Variants in CCDC127 observed in about 807,000 individuals in gnomAD.
CCDC127 encodes the protein coiled-coil domain-containing protein 127.
In CCDC127, 2 loss-of-function variants were observed where a neutral mutation model predicts 4.1. That is an observed-to-expected ratio of 0.49 (90% CI 0.20 to 1.53). The LOEUF (loss-of-function observed/expected upper bound fraction) is 1.53, where lower values mean the gene tolerates loss of function less well. Ranked by LOEUF, CCDC127 falls within the 40% of genes most tolerant of loss-of-function variation. The pLI, the probability that CCDC127 is intolerant of heterozygous loss-of-function variation, is 0.23. For synonymous variants in CCDC127, 98 were observed against 120.4 expected (o/e 0.81, Z 1.22); for missense variants, 271 against 322.9 (o/e 0.84, Z 1.23).
At position 200,258 on chromosome 5, in the gene CCDC127, T is replaced by C. The variant is rs1468544382; in HGVS notation, c.*5039A>G. The C allele has an allele frequency of 6.6e-6, 1 of 152,272 alleles. No individual in the cohort carries two copies. The highest frequency in any genetic ancestry group is 1.5e-5 in the Non-Finnish European group (1 of 68,056). The allele number at this position is 152,272 out of a possible 1,614,324, so 9.4% of individuals were successfully genotyped here. ...CCTCCGCCTTCCACCGCATGCCTGC[T>C]GTCCATGGGTGGCTTACTGAAGCCC... On this transcript the variant is annotated 3_prime_UTR_variant, in exon 3 of 3. Transcript: ENST00000296824.
At chr5:210,585 A>G (rs1046203121) in intron 2 of CCDC127, among the ~76,000 whole-genome samples, 3 of 152,202 alleles carry the variant, frequency 2.0e-5, no homozygotes, top group African/African-American at 7.2e-5. Flanking sequence ...GATGCTCAAC[A>G]CTGCACAGTA....
chr5:200,564 C>T lies in CCDC127; in HGVS notation c.*4733G>A, dbSNP rs1004186178. 9 of 152,320 alleles carry T rather than the reference C, an allele frequency of 5.9e-5. No homozygotes were observed. In the South Asian group the frequency reaches 1.9e-3, roughly 32 times the overall value. The allele number at this position is 152,320 out of a possible 1,614,324, so 9.4% of individuals were successfully genotyped here. ...CAAGTACTCCGAGGCCCCTGAGAGT[C>T]CCTTATTTGTCTTTCTGGTTCTTCT... On this transcript the variant is annotated 3_prime_UTR_variant, in exon 3 of 3. Coordinates refer to ENST00000296824, the MANE Select transcript of CCDC127 (RefSeq NM_145265.3).
chr5:207,717 T>G (rs772454071), intron 2 of CCDC127, among the ~76,000 whole-genome samples: 4 of 152,040 alleles, frequency 2.6e-5, no homozygotes, highest in Non-Finnish European at 5.9e-5. Context: ...GAGCACGGGA[T>G]ATGTTCTGCA....
chr5:205,400 T>C lies in CCDC127; in HGVS notation c.680A>G (p.Lys227Arg), dbSNP rs748118272. Residue 227 changes from lysine to arginine, a missense_variant, in exon 3 of 3, where the codon AAA becomes AGA. By Grantham distance (26) the Lys-to-Arg change is conservative (BLOSUM62 2). Transcript: ENST00000296824. ...CCACATGAGTCTGCCATTCTGGCGT[T>C]TGTTGGTGTTCCAGACATCACCACA... is the stretch of plus-strand genomic sequence containing the variant. ...TYCGDVWNTNKRQNGRLMWLY... is the reference protein window; with the variant it reads ...TYCGDVWNTNRRQNGRLMWLY... 18 of 1,614,136 alleles carry C rather than the reference T, an allele frequency of 1.1e-5. No homozygotes were observed. The highest frequency in any genetic ancestry group is 1.4e-5 in the Non-Finnish European group (16 of 1,180,058).
intron 2 of CCDC127, among the ~76,000 whole-genome samples, chr5:208,281 CG>C: frequency 2.0e-5 from 3 of 152,246 alleles, no homozygotes; most frequent in Admixed American, 2.0e-4. Flanking sequence ...AGGAACAACA[CG>C]GGGGCAAGTC....
rs1341205759 is a variant in CCDC127, at chr5:198,261, G to C, written c.*7036C>G. 6.6e-6 allele frequency: 1 copy of C among 152,310 alleles called. No individual in the cohort carries two copies. Among genetic ancestry groups the C allele is most frequent in the Non-Finnish European group, 1.5e-5 (1 of 68,080 alleles). The allele number at this position is 152,310 out of a possible 1,614,324, so 9.4% of individuals were successfully genotyped here. A position where few individuals can be genotyped will look rare whatever the true frequency, so the allele number is the denominator to read the frequency against. On this transcript the variant is annotated 3_prime_UTR_variant, in exon 3 of 3. Transcript: ENST00000296824. ...TGCACACTGCAGGCAGTGCCTTACT[G>C]GAGCCTTGTCCAGGGACATGAATTT...
intron 1 of CCDC127, chr5:217,262 A>C (rs889774284): frequency 1.3e-4 from 23 of 175,888 alleles, no homozygotes; most frequent in African/African-American, 5.5e-4. Context: ...GAATCAGGTA[A>C]GTTCTCTGGT....
intron 2 of CCDC127, chr5:215,296 A>C (rs927933693): frequency 7.2e-5 from 11 of 152,190 alleles, no homozygotes; most frequent in Non-Finnish European, 1.5e-5. Flanking sequence ...AATATTCTTC[A>C]ACCCTTTTCA....
chr5:207,246 G>A (rs1420446452), intron 2 of CCDC127, among the ~76,000 whole-genome samples: 1 of 152,170 alleles, frequency 6.6e-6, no homozygotes, highest in Admixed American at 6.5e-5. Flanking sequence ...CACTGAGTAA[G>A]CACAAAACCA....
rs1251532002 is a variant in CCDC127 at position 205,280 on chromosome 5, T to C, written c.*17A>G. The C allele has an allele frequency of 2.5e-6, 4 of 1,590,326 alleles. No individual in the cohort carries two copies. The highest frequency in any genetic ancestry group is 3.4e-6 in the Non-Finnish European group (4 of 1,165,682). ...CTGGCCTCGAGTCACTAAAAGCAGT[T>C]TGATTTCACTCTTGTCTTACTTTTC... On this transcript the variant is annotated 3_prime_UTR_variant, in exon 3 of 3. Coordinates refer to ENST00000296824, the MANE Select transcript of CCDC127 (RefSeq NM_145265.3).
Position 197,445 on chromosome 5 carries a change from G to C in CCDC127, c.*7852C>G, listed in dbSNP as rs1214966338. ...GGGGAGAAACCGTGGACAATACCCG[G>C]CTTTCAAGGGCAGAGGTCCCTGCGG... On this transcript the variant is annotated 3_prime_UTR_variant, in exon 3 of 3. Transcript: ENST00000296824. The C allele has an allele frequency of 6.6e-6, 1 of 152,240 alleles. No homozygotes were observed. Among genetic ancestry groups the C allele is most frequent in the Admixed American group, 6.5e-5 (1 of 15,288 alleles). 9.4% of individuals were successfully genotyped at this position (152,240 alleles called of 1,614,324 possible). A position where few individuals can be genotyped will look rare whatever the true frequency, so the allele number is the denominator to read the frequency against.
Position 203,330 on chromosome 5 carries a change from G to C in CCDC127, c.*1967C>G, listed in dbSNP as rs2126502055. On this transcript the variant is annotated 3_prime_UTR_variant, in exon 3 of 3. Coordinates refer to ENST00000296824, the MANE Select transcript of CCDC127 (RefSeq NM_145265.3). ...CGCTAGCAGCCACTGAAGAAGAGAA[G>C]CATCTGAGCACCCTTAGCCATCACA... is the stretch of plus-strand genomic sequence containing the variant. The C allele has an allele frequency of 6.6e-6, 1 of 152,418 alleles. No individual in the cohort carries two copies. The highest frequency in any genetic ancestry group is 2.1e-4 in the South Asian group (1 of 4,826). The allele number at this position is 152,418 out of a possible 1,614,324, so 9.4% of individuals were successfully genotyped here. A position where few individuals can be genotyped will look rare whatever the true frequency, so the allele number is the denominator to read the frequency against.
chr5:206,505 C>G (rs1579358431), intron 2 of CCDC127, among the ~76,000 whole-genome samples: 1 of 152,198 alleles, frequency 6.6e-6, no homozygotes, highest in East Asian at 1.9e-4. Context: ...GGAGGGGGCA[C>G]TGCCCGGCTC....
At chr5:206,164 C>A (rs1016750526) in intron 2 of CCDC127, among the ~76,000 whole-genome samples, 1 of 152,240 alleles carries the variant, frequency 6.6e-6, no homozygotes, top group African/African-American at 2.4e-5. Context: ...GACCAAAAGA[C>A]CCTAACCCTA....
At position 218,127 on chromosome 5, in the gene CCDC127, T is replaced by C; in HGVS notation, c.-45A>G. The C allele has an allele frequency of 1.6e-6, 2 of 1,231,278 alleles. No individual in the cohort carries two copies. The highest frequency in any genetic ancestry group is 3.2e-4 in the Middle Eastern group (1 of 3,136). The allele number at this position is 1,231,278 out of a possible 1,614,324, so 76.3% of individuals were successfully genotyped here. On this transcript the variant is annotated 5_prime_UTR_variant, in exon 1 of 3. Coordinates refer to ENST00000296824, the MANE Select transcript of CCDC127 (RefSeq NM_145265.3). Reference sequence around the variant, plus strand: ...GGAGCGCGGGACCTCAGCGTTCCCTTAACGCCACCGTCCGCGGGTCCGCTT... The same window carrying C: ...GGAGCGCGGGACCTCAGCGTTCCCTCAACGCCACCGTCCGCGGGTCCGCTT...
Position 200,519 on chromosome 5 carries a change from A to G in CCDC127, c.*4778T>C, listed in dbSNP as rs1331674491. 6.6e-5 allele frequency: 10 copies of G among 152,402 alleles called. No homozygotes were observed. Among genetic ancestry groups the G allele is most frequent in the Admixed American group, 6.5e-4 (10 of 15,306 alleles). The allele number at this position is 152,402 out of a possible 1,614,324, so 9.4% of individuals were successfully genotyped here. A position where few individuals can be genotyped will look rare whatever the true frequency, so the allele number is the denominator to read the frequency against. ...GGTTTGGGGATTGGCGCGGCTATGC[A>G]GAGATATGACACAGAGTGACAAGTA... is the stretch of plus-strand genomic sequence containing the variant. On this transcript the variant is annotated 3_prime_UTR_variant, in exon 3 of 3. Transcript: ENST00000296824.
Position 204,449 on chromosome 5 carries a change from G to A in CCDC127, c.*848C>T, listed in dbSNP as rs1734128582. ...TAAGTGCCTGTCTACCTTGTTGGCT[G>A]TGGTAAACAATGAGATAATACATAT... On this transcript the variant is annotated 3_prime_UTR_variant, in exon 3 of 3. Coordinates refer to ENST00000296824, the MANE Select transcript of CCDC127 (RefSeq NM_145265.3). The A allele has an allele frequency of 6.6e-6, 1 of 152,244 alleles. No homozygotes were observed. Among genetic ancestry groups the A allele is most frequent in the Non-Finnish European group, 1.5e-5 (1 of 68,052 alleles). The allele number at this position is 152,244 out of a possible 1,614,324, so 9.4% of individuals were successfully genotyped here. A position where few individuals can be genotyped will look rare whatever the true frequency, so the allele number is the denominator to read the frequency against.
In CCDC127 at chr5:205,063, A is replaced by C; in HGVS notation, c.*234T>G. On this transcript the variant is annotated 3_prime_UTR_variant, in exon 3 of 3. Coordinates refer to ENST00000296824, the MANE Select transcript of CCDC127 (RefSeq NM_145265.3). ...TGCTTAATACAATACTGGCAGCCTA[A>C]AAATGCTTCAAGAAACCATATCCCC... 2.0e-6 allele frequency: 1 copy of C among 505,104 alleles called. No homozygotes were observed. The highest frequency in any genetic ancestry group is 3.5e-6 in the Non-Finnish European group (1 of 286,826). 31.3% of individuals were successfully genotyped at this position (505,104 alleles called of 1,614,324 possible). A position where few individuals can be genotyped will look rare whatever the true frequency, so the allele number is the denominator to read the frequency against.
chr5:206,064 T>A, intron 2 of CCDC127, 106 bp from the exon 3 acceptor site: 1 of 1,016,410 alleles, frequency 9.8e-7, no homozygotes, highest in Non-Finnish European at 1.4e-6. Context: ...CAGTAAAAGC[T>A]TAAGACCTCG....
Sources: gnomAD v4.1 joint callset for allele counts (sites outside exome capture counted in the v4.1 genomes callset) on GRCh38, gnomAD v4.1.1 for gene constraint, MANE v1.5 for transcripts, NCBI Gene and HGNC (gene_info 2026-07-23, HGNC 2026-07-21) for gene names.